EBF4: variants seen among roughly 807,000 people sequenced by gnomAD.
EBF4 encodes the protein EBF transcription factor 4, also known as transcription factor COE4.
In EBF4, 34 loss-of-function variants were observed where a neutral mutation model predicts 67.1. That is an observed-to-expected ratio of 0.51 (90% CI 0.39 to 0.67). The LOEUF (loss-of-function observed/expected upper bound fraction) is 0.67, where lower values mean the gene tolerates loss of function less well. Among genes scored for constraint, EBF4 ranks in the 30% least tolerant of loss-of-function variants. The pLI is 0.00. For synonymous variants in EBF4, 387 were observed against 377.7 expected, an observed-to-expected ratio of 1.02 and a Z score of -0.29; for missense variants, 837 against 873.3, an observed-to-expected ratio of 0.96 and a Z score of 0.52.
Position 2,755,947 on chromosome 20 carries a change from G to C in EBF4, c.1738+123G>C, listed in dbSNP as rs1382373694. On this transcript the variant is annotated intron_variant, in intron 15 of 16. Transcript: ENST00000609451. This position sits in a 1 kb window ranked among gnomAD's most constrained non-coding sequence, Gnocchi z 4.7. ...TCATGCTGGCTAACCTGCTCTTCTT[G>C]GAGGACGGAGAGCAGGGAGCTCTGC... The C allele has an allele frequency of 2.5e-5, 25 of 1,019,090 alleles. No individual in the cohort carries two copies. Among genetic ancestry groups the C allele is most frequent in the Non-Finnish European group, 3.5e-5 (25 of 715,830 alleles). The allele number at this position is 1,019,090 out of a possible 1,614,324, so 63.1% of individuals were successfully genotyped here. A position where few individuals can be genotyped will look rare whatever the true frequency, so the allele number is the denominator to read the frequency against.
chr20:2,754,971 C>CCA (rs1179268045), intron 14 of EBF4: 4 of 74,902 alleles, frequency 5.3e-5, no homozygotes, highest in African/African-American at 1.8e-4. Context: ...CAGGAGACCA[C>CCA]CCCCCCCCAC....
At chr20:2,722,165 A>G (rs1412135910) in intron 6 of EBF4, among the ~76,000 whole-genome samples, 1 of 152,112 alleles carries the variant, frequency 6.6e-6, no homozygotes, top group Non-Finnish European at 1.5e-5. Context: ...CTCCTGAAGT[A>G]ACCAGGACTA....
intron 6 of EBF4, 85 bp from the exon 7 acceptor site, chr20:2,748,464 G>A (rs1456556707): frequency 6.9e-6 from 9 of 1,312,830 alleles, no homozygotes; most frequent in African/African-American, 1.5e-5. Context: ...CATCCTGTGG[G>A]GAGGGGGCAT....
At chr20:2,753,242 G>T (rs1408733053) in intron 14 of EBF4, among the ~76,000 whole-genome samples, 1 of 152,260 alleles carries the variant, frequency 6.6e-6, no homozygotes, top group Non-Finnish European at 1.5e-5. Context: ...GCCAGTGTGT[G>T]ATTTCGGAGT....
chr20:2,705,482 C>T, intron 1 of EBF4, 95 bp from the exon 2 acceptor site: 1 of 1,516,172 alleles, frequency 6.6e-7, no homozygotes, highest in Non-Finnish European at 9.0e-7. Flanking sequence ...ATCTTGGAGC[C>T]ATGTCCTGGC....
chr20:2,755,185 A>C lies in EBF4; in HGVS notation c.1541-442A>C, dbSNP rs2088222531. ...GAGCCTGTGCGTTCCCCCAAACTTC[A>C]TCCCTAACTACTTGTTCCAGCTCTT... On this transcript the variant is annotated intron_variant, in intron 14 of 16. Coordinates refer to ENST00000609451, the Ensembl canonical transcript of EBF4. The surrounding 1 kb of genome is among the most constrained non-coding windows in gnomAD (Gnocchi z 4.7). 5.7e-6 allele frequency: 1 copy of C among 176,118 alleles called. No individual in the cohort carries two copies. The highest frequency in any genetic ancestry group is 1.2e-5 in the Non-Finnish European group (1 of 83,860). 10.9% of individuals were successfully genotyped at this position (176,118 alleles called of 1,614,324 possible).
At chr20:2,708,493 G>A (rs959463694) in intron 5 of EBF4, among the ~76,000 whole-genome samples, 5 of 152,184 alleles carry the variant, frequency 3.3e-5, no homozygotes, top group African/African-American at 9.6e-5. Context: ...TTTCTAGTAA[G>A]GTCTCCCCAA....
intron 6 of EBF4, among the ~76,000 whole-genome samples, chr20:2,746,237 G>A (rs2088048918): frequency 6.6e-6 from 1 of 152,088 alleles, no homozygotes; most frequent in Non-Finnish European, 1.5e-5. Flanking sequence ...CTGTGCAGGT[G>A]TACCTCTCAG....
chr20:2,701,916 C>T (rs2146373440), intron 1 of EBF4, among the ~76,000 whole-genome samples: 1 of 152,308 alleles, frequency 6.6e-6, no homozygotes, highest in East Asian at 1.9e-4. Context: ...GTTGAGGCCT[C>T]ATTAGCATAT....
chr20:2,694,313 C>T (rs750001718), intron 1 of EBF4, among the ~76,000 whole-genome samples: 17 of 152,146 alleles, frequency 1.1e-4, no homozygotes, highest in Non-Finnish European at 2.2e-4. Context: ...GGTGGGCAGT[C>T]GGCCTGGCTG....
In EBF4 at chr20:2,705,712, C is replaced by T. The variant is rs61733891; in HGVS notation, c.273C>T (p.Ile91=). 1,173 of 1,545,546 alleles carry T rather than the reference C, an allele frequency of 7.6e-4. 7 individuals carry two copies. The African/African-American group carries it at 0.014, about 18-fold the overall frequency. Residue 91 remains isoleucine, a synonymous_variant, in exon 2 of 17, where the codon ATC becomes ATT. Transcript: ENST00000609451. ...TGGAGGTGGAGCGCACAGCCTTCAT[C>T]GACTTCGTGGAAAAGGACCGAGTGA...
At chr20:2,728,210 C>T (rs764744462) in intron 6 of EBF4, among the ~76,000 whole-genome samples, 10 of 152,302 alleles carry the variant, frequency 6.6e-5, no homozygotes, top group East Asian at 1.9e-4. Flanking sequence ...TAAACCTGCT[C>T]GGTGAGATCA....
At chr20:2,718,636 T>C (rs2087641079) in intron 6 of EBF4, among the ~76,000 whole-genome samples, 1 of 152,248 alleles carries the variant, frequency 6.6e-6, no homozygotes, top group African/African-American at 2.4e-5. Flanking sequence ...GTCACCTCTC[T>C]CATTCCTGAT....
intron 3 of EBF4, 30 bp from the exon 4 acceptor site, chr20:2,706,179 C>T: frequency 6.4e-7 from 1 of 1,551,926 alleles, no homozygotes. Flanking sequence ...GCTCCCCCAG[C>T]AGCAAGCCCT....
At chr20:2,702,056 G>A (rs894841762) in intron 1 of EBF4, among the ~76,000 whole-genome samples, 1 of 152,344 alleles carries the variant, frequency 6.6e-6, no homozygotes, top group South Asian at 2.1e-4. Context: ...TGAGGGCAAG[G>A]GGGTGGAGGG....
intron 5 of EBF4, among the ~76,000 whole-genome samples, chr20:2,708,231 C>T (rs2087487340): frequency 6.6e-6 from 1 of 152,220 alleles, no homozygotes; most frequent in African/African-American, 2.4e-5. Context: ...TTAGCCTGGC[C>T]TGTTTATGTG....
rs2088227168 is a variant in EBF4, at chr20:2,755,468, G to T, written c.1541-159G>T. 2 of 613,676 alleles carry T rather than the reference G, an allele frequency of 3.3e-6. No homozygotes were observed. The highest frequency in any genetic ancestry group is 1.9e-5 in the South Asian group (1 of 52,480). 38.0% of individuals were successfully genotyped at this position (613,676 alleles called of 1,614,324 possible). Reference sequence around the variant, plus strand: ...CAGAACCGCTGAGAGGTCAGGGCTGGCCCAGGACCCTCACAGCTCCCAGTG... The same window carrying T: ...CAGAACCGCTGAGAGGTCAGGGCTGTCCCAGGACCCTCACAGCTCCCAGTG... On this transcript the variant is annotated intron_variant, in intron 14 of 16. Transcript: ENST00000609451. This position sits in a 1 kb window ranked among gnomAD's most constrained non-coding sequence, Gnocchi z 4.7.
Position 2,745,802 on chromosome 20 carries a change from C to T in EBF4, c.558-2747C>T, listed in dbSNP as rs2088041664. The stretch of plus-strand genomic sequence containing the variant: ...CCTACCCCGGGTCATGCAGAGAGTC[C>T]AGGCCTGGCCAGAGCCCCTATCTTG... On this transcript the variant is annotated intron_variant, in intron 6 of 16. Transcript: ENST00000609451. The surrounding 1 kb of genome is among the most constrained non-coding windows in gnomAD (Gnocchi z 5.2). Among the ~76,000 whole-genome samples the T allele has an allele frequency of 6.6e-6, 1 of 152,194 alleles. No individual in the cohort carries two copies.
intron 10 of EBF4, 59 bp downstream of exon 10, chr20:2,750,032 G>T: frequency 6.7e-7 from 1 of 1,494,634 alleles, no homozygotes; most frequent in South Asian, 1.3e-5. Context: ...CCCACCCTGC[G>T]CACTGGTCTC....
Sources: gnomAD v4.1 joint callset for allele counts (sites outside exome capture counted in the v4.1 genomes callset) on GRCh38, gnomAD v4.1.1 for gene constraint, Gnocchi (gnomAD v3.1) non-coding constraint, MANE v1.5 for transcripts, NCBI Gene and HGNC (gene_info 2026-07-23, HGNC 2026-07-21) for gene names.